GRIP1: variants seen among roughly 807,000 people sequenced by gnomAD.
GRIP1 encodes the protein glutamate receptor-interacting protein 1.
Under a neutral mutation model 129.9 loss-of-function variants are expected in GRIP1, and 45 were observed. The ratio of observed to expected loss-of-function variants is 0.35; its 90% CI spans 0.27 to 0.44. The LOEUF is 0.44. Among genes scored for constraint, GRIP1 ranks in the 20% least tolerant of loss-of-function variants. The pLI is 1.00. For synonymous variants in GRIP1, 530 were observed against 520.8 expected (o/e 1.02, Z -0.24); for missense variants, 1,196 against 1,396.8 (o/e 0.86, Z 2.29).
At chr12:66,856,288 A>T (rs959045209) in intron 1 of GRIP1, among the ~76,000 whole-genome samples, 1 of 152,100 alleles carries the variant, frequency 6.6e-6, no homozygotes, top group Non-Finnish European at 1.5e-5. Context: ...AACCTAGGCA[A>T]TACCATTCAG....
At position 66,843,359 on chromosome 12, in the gene GRIP1, G is replaced by A. The variant is rs576056670; in HGVS notation, c.58+225691C>T. 5.9e-5 allele frequency among the ~76,000 whole-genome samples: 9 copies of A among 152,220 alleles called. No homozygotes were observed. The South Asian group carries it at 1.7e-3, about 28-fold the overall frequency. On this transcript the variant is annotated intron_variant, in intron 1 of 1. Coordinates refer to the GRIP1 transcript ENST00000643019. ...TGAATATGAGAATGAAATTGAATGT[G>A]AGGGTTTATTTAGGAGCTCCTTATT...
rs1047032473 is a variant in GRIP1 at position 66,456,212 on chromosome 12, C to T, written c.1173G>A (p.Pro391=). Residue 391 remains proline, a synonymous_variant, in exon 10 of 25, where the codon CCG becomes CCA. Transcript: ENST00000359742. ...GAGGGCTGTTTGGAGGAGGTGCTTT[C>T]GGGAATGTCAGGGCTGGTACTCTGC... The part of the protein sequence containing the change: ...DHCRVPALTF[P]KAPPPNSPPA... The T allele has an allele frequency of 1.1e-5, 14 of 1,289,386 alleles. No homozygotes were observed. The highest frequency in any genetic ancestry group is 9.2e-5 in the Admixed American group (4 of 43,532). 79.9% of individuals were successfully genotyped at this position (1,289,386 alleles called of 1,614,324 possible).
chr12:66,650,025 A>C lies in GRIP1; in HGVS notation c.55+28825T>G, dbSNP rs1030882973. ...ATGTGTCTAGCGAGTTATAGAGCTC[A>C]TATTATTTCCACTACACCACAGTGT... is the stretch of plus-strand genomic sequence containing the variant. On this transcript the variant is annotated intron_variant, in intron 1 of 24. Transcript: ENST00000359742. Among the ~76,000 whole-genome samples the C allele has an allele frequency of 5.3e-5, 8 of 152,204 alleles. No homozygotes were observed. The East Asian group carries it at 1.3e-3, about 26-fold the overall frequency.
chr12:66,686,105 C>A (rs2034774055), intron 1 of GRIP1, among the ~76,000 whole-genome samples: 1 of 152,188 alleles, frequency 6.6e-6, no homozygotes, highest in African/African-American at 2.4e-5. Flanking sequence ...AGAGAAAATT[C>A]TTCCAAATAA....
chr12:66,645,363 A>G (rs1319171183), intron 1 of GRIP1, among the ~76,000 whole-genome samples: 1 of 152,218 alleles, frequency 6.6e-6, no homozygotes, highest in Non-Finnish European at 1.5e-5. Context: ...TCACTGCGCT[A>G]CAGAAAGTCT....
Position 66,939,265 on chromosome 12 carries a change from T to C in GRIP1, c.58+129785A>G, listed in dbSNP as rs528403321. On this transcript the variant is annotated intron_variant, in intron 1 of 1. Transcript: ENST00000643019. ...CTTTGGGGAGACTGAGGTGGAGGAT[T>C]GAGACCAGGAGTTCAGGGCTGCAGT... Among the ~76,000 whole-genome samples, 210 of 152,188 alleles carry C rather than the reference T, an allele frequency of 1.4e-3. 1 individual carries two copies. The highest frequency in any genetic ancestry group is 4.8e-3 in the African/African-American group (198 of 41,546).
At position 67,001,309 on chromosome 12, in the gene GRIP1, G is replaced by A. The variant is rs569077035; in HGVS notation, c.58+67741C>T. On this transcript the variant is annotated intron_variant, in intron 1 of 1. Transcript: ENST00000643019. ...AGAGCTTGTGGGCTATCTAAATTCT[G>A]TTCATAGGCTCCAAGAGTAAAAGAA... Among the ~76,000 whole-genome samples, 7 of 152,218 alleles carry A rather than the reference G, an allele frequency of 4.6e-5. No homozygotes were observed. In the South Asian group the frequency reaches 1.5e-3, roughly 32 times the overall value.
chr12:66,561,929 A>G (rs1411154151), intron 2 of GRIP1, among the ~76,000 whole-genome samples: 1 of 151,962 alleles, frequency 6.6e-6, no homozygotes, highest in Admixed American at 6.6e-5. Context: ...CTCTGTCTCT[A>G]CAAAAAGATT....
At chr12:67,019,275 C>A (rs2042831456) in intron 1 of GRIP1, among the ~76,000 whole-genome samples, 1 of 152,260 alleles carries the variant, frequency 6.6e-6, no homozygotes, top group South Asian at 2.1e-4. Context: ...AGCAGCTGCA[C>A]AATGCAAACA....
chr12:66,731,927 T>C (rs1351712779), intron 1 of GRIP1, among the ~76,000 whole-genome samples: 1 of 152,174 alleles, frequency 6.6e-6, no homozygotes, highest in Admixed American at 6.5e-5. Flanking sequence ...AATGTATTTG[T>C]AGTAGATTTT....
intron 1 of GRIP1, among the ~76,000 whole-genome samples, chr12:67,057,991 A>T (rs1043759393): frequency 5.3e-5 from 8 of 152,236 alleles, no homozygotes; most frequent in African/African-American, 1.9e-4. Context: ...CACGAAGAGG[A>T]CAATGTGAAA....
At chr12:66,714,921 AT>A (rs2035828901) in intron 1 of GRIP1, among the ~76,000 whole-genome samples, 1 of 59,486 alleles carries the variant, frequency 1.7e-5, no homozygotes, top group Admixed American at 1.7e-4. Context: ...CCATCCATCC[AT>A]CCAATCCAAT....
intron 1 of GRIP1, among the ~76,000 whole-genome samples, chr12:67,050,909 T>G (rs906178627): frequency 3.9e-5 from 6 of 152,206 alleles, no homozygotes; most frequent in Non-Finnish European, 7.3e-5. Context: ...GGTCAGAGTT[T>G]GTCTGGCATG....
intron 7 of GRIP1, among the ~76,000 whole-genome samples, chr12:66,476,438 C>G (rs1187394282): frequency 6.6e-6 from 1 of 152,158 alleles, no homozygotes; most frequent in Non-Finnish European, 1.5e-5. Context: ...ACCAGAGGTA[C>G]AAGGAGGAGC....
intron 9 of GRIP1, among the ~76,000 whole-genome samples, chr12:66,458,786 T>C (rs1201387640): frequency 2.0e-5 from 3 of 152,236 alleles, no homozygotes; most frequent in East Asian, 3.8e-4. Flanking sequence ...TTAGCCACAC[T>C]GATCTTATGT....
chr12:67,001,270 C>T (rs913356254), intron 1 of GRIP1, among the ~76,000 whole-genome samples: 1 of 152,172 alleles, frequency 6.6e-6, no homozygotes, highest in Non-Finnish European at 1.5e-5. Context: ...TGCTTCCCCA[C>T]ATAAATTATA....
At chr12:66,596,267 G>A (rs776415876) in intron 2 of GRIP1, among the ~76,000 whole-genome samples, 38 of 152,032 alleles carry the variant, frequency 2.5e-4, no homozygotes, top group Non-Finnish European at 4.6e-4. Context: ...AAATATTGAC[G>A]TTTTGGGGTA....
chr12:66,406,475 C>T, intron 15 of GRIP1, 47 bp from the exon 16 acceptor site: 6 of 1,582,768 alleles, frequency 3.8e-6, no homozygotes, highest in Non-Finnish European at 5.2e-6. Flanking sequence ...GAGCACTTAA[C>T]TAGGCCATTT....
At chr12:66,400,680 G>A (rs1408561167) in intron 16 of GRIP1, among the ~76,000 whole-genome samples, 1 of 152,094 alleles carries the variant, frequency 6.6e-6, no homozygotes, top group Non-Finnish European at 1.5e-5. Flanking sequence ...CCAAAAATAT[G>A]CTATATATTA....
Sources: allele counts gnomAD v4.1 joint callset (sites outside exome capture counted in the v4.1 genomes callset), GRCh38; gene constraint gnomAD v4.1.1; transcripts MANE v1.5; gene names NCBI Gene and HGNC (gene_info 2026-07-23, HGNC 2026-07-21).